Variants in SETBP1 observed in about 807,000 individuals in gnomAD.
SETBP1 encodes the protein SET binding protein 1.
SETBP1 carries 9 observed loss-of-function variants against 101.0 expected under a neutral mutation model. The observed-to-expected ratio is 0.09, with a 90% CI of 0.05 to 0.16. SETBP1 has a LOEUF of 0.16. Ranked by LOEUF, SETBP1 falls within the 10% of genes least tolerant of loss-of-function variation. The pLI is 1.00. For missense variants in SETBP1, 1,858 were observed against 2,033.8 expected (o/e 0.91, Z 1.66); for synonymous variants, 818 against 788.5 (o/e 1.04, Z -0.63).
chr18:45,026,841 C>A (rs996632397), intron 4 of SETBP1, among the ~76,000 whole-genome samples: 2 of 152,020 alleles, frequency 1.3e-5, no homozygotes, highest in African/African-American at 4.8e-5. Context: ...TGTGTATGTG[C>A]GTGTACAAAC....
At chr18:44,785,600 C>T (rs2071223923) in intron 2 of SETBP1, among the ~76,000 whole-genome samples, 1 of 152,168 alleles carries the variant, frequency 6.6e-6, no homozygotes, top group African/African-American at 2.4e-5. Context: ...ATTTTCCAGT[C>T]CCTAGACTTG....
chr18:44,766,810 A>G (rs1490942227), intron 2 of SETBP1, among the ~76,000 whole-genome samples: 2 of 152,230 alleles, frequency 1.3e-5, no homozygotes, highest in Non-Finnish European at 2.9e-5. Flanking sequence ...TGTCTCTGAA[A>G]AAAAAAGTGA....
At chr18:44,748,835 G>T (rs561806471) in intron 2 of SETBP1, among the ~76,000 whole-genome samples, 18 of 152,312 alleles carry the variant, frequency 1.2e-4, no homozygotes, top group African/African-American at 4.3e-4. Context: ...CATGCAACGA[G>T]ACATATTTGC....
At chr18:44,929,411 A>G (rs1263129196) in intron 3 of SETBP1, among the ~76,000 whole-genome samples, 2 of 152,212 alleles carry the variant, frequency 1.3e-5, no homozygotes, top group South Asian at 2.1e-4. Context: ...TTGTCTTGGC[A>G]ATGTGGGCTC....
chr18:44,688,468 G>A (rs1478545591), intron 1 of SETBP1, among the ~76,000 whole-genome samples: 1 of 151,792 alleles, frequency 6.6e-6, no homozygotes, highest in Non-Finnish European at 1.5e-5. Context: ...TGAGCAATGA[G>A]ACCTTTGATT....
rs368841846 is a variant in SETBP1 at position 44,762,561 on chromosome 18, A to G, written c.486+60729A>G. Among the ~76,000 whole-genome samples, 6 of 152,358 alleles carry G rather than the reference A, an allele frequency of 3.9e-5. No homozygotes were observed. In the South Asian group the frequency reaches 1.2e-3, roughly 32 times the overall value. On this transcript the variant is annotated intron_variant, in intron 2 of 5. Coordinates refer to ENST00000649279, the MANE Select transcript of SETBP1 (RefSeq NM_015559.3). ...CTATATAGTATTATCTCAATGGTTG[A>G]CAGGGTATATTGTGAAGCAGAAAGG...
chr18:45,031,106 G>T (rs1317609963), intron 4 of SETBP1, among the ~76,000 whole-genome samples: 1 of 151,826 alleles, frequency 6.6e-6, no homozygotes, highest in Non-Finnish European at 1.5e-5. Context: ...GTGATGTTAG[G>T]GTGTCAATTT....
At chr18:44,720,911 C>CG (rs2069575798) in intron 2 of SETBP1, among the ~76,000 whole-genome samples, 1 of 138,964 alleles carries the variant, frequency 7.2e-6, no homozygotes, top group African/African-American at 2.6e-5. Context: ...ACCCCCACCC[C>CG]CCACCCCAAC....
intron 1 of SETBP1, 132 bp downstream of exon 1, chr18:44,681,153 C>G (rs1352136663): frequency 6.6e-6 from 1 of 152,158 alleles, no homozygotes; most frequent in South Asian, 2.1e-4. Context: ...TAAAAGCAGA[C>G]GAATGCCTTT....
chr18:44,906,693 G>T (rs2070183088), intron 3 of SETBP1, among the ~76,000 whole-genome samples: 1 of 152,134 alleles, frequency 6.6e-6, no homozygotes, highest in African/African-American at 2.4e-5. Flanking sequence ...CAAGGGAGGA[G>T]AAATAAAGAA....
chr18:44,891,947 A>C (rs1409195695), intron 3 of SETBP1, among the ~76,000 whole-genome samples: 1 of 152,182 alleles, frequency 6.6e-6, no homozygotes, highest in African/African-American at 2.4e-5. Context: ...GCACATGATC[A>C]ACAGATATAT....
chr18:45,031,565 T>A (rs1012256253), intron 4 of SETBP1, among the ~76,000 whole-genome samples: 1 of 152,112 alleles, frequency 6.6e-6, no homozygotes, highest in African/African-American at 2.4e-5. Flanking sequence ...ATACACACTT[T>A]AATGGAAAAA....
At chr18:44,810,804 A>T (rs2071845247) in intron 2 of SETBP1, among the ~76,000 whole-genome samples, 1 of 152,210 alleles carries the variant, frequency 6.6e-6, no homozygotes, top group Non-Finnish European at 1.5e-5. Flanking sequence ...CAGAAATATT[A>T]AAAAAGAGAT....
chr18:44,914,208 G>C (rs1462084521), intron 3 of SETBP1, among the ~76,000 whole-genome samples: 1 of 152,184 alleles, frequency 6.6e-6, no homozygotes, highest in African/African-American at 2.4e-5. Flanking sequence ...GTAAACTGCA[G>C]TGTCGTGAGT....
chr18:45,025,504 AT>A lies in SETBP1; in HGVS notation c.4001-12971del, dbSNP rs370180014. 3.3e-3 allele frequency among the ~76,000 whole-genome samples: 502 copies of A among 150,274 alleles called. 3 individuals are homozygous for A. The highest frequency in any genetic ancestry group is 0.011 in the African/African-American group (441 of 41,034). On this transcript the variant is annotated intron_variant, in intron 4 of 5. Coordinates refer to ENST00000649279, the MANE Select transcript of SETBP1 (RefSeq NM_015559.3). Reference sequence around the variant, plus strand: ...CTAATGATGGGTCTGAGTTTCTCTGATTTTTTTTTTCACTTCTATTGCAAAG... The same window carrying A: ...CTAATGATGGGTCTGAGTTTCTCTGATTTTTTTTTCACTTCTATTGCAAAG...
At chr18:44,757,731 A>C (rs763011091) in intron 2 of SETBP1, among the ~76,000 whole-genome samples, 2 of 151,212 alleles carry the variant, frequency 1.3e-5, no homozygotes, top group Non-Finnish European at 3.0e-5. Context: ...GACTTGTCTC[A>C]ATTTCACACC....
intron 4 of SETBP1, among the ~76,000 whole-genome samples, chr18:45,012,802 C>G (rs1356997644): frequency 6.6e-6 from 1 of 151,990 alleles, no homozygotes; most frequent in Non-Finnish European, 1.5e-5. Context: ...TAAACAAGAG[C>G]TAAATAATAT....
chr18:44,786,894 G>A (rs373092225), intron 2 of SETBP1, among the ~76,000 whole-genome samples: 14 of 152,258 alleles, frequency 9.2e-5, no homozygotes, highest in African/African-American at 3.1e-4. Context: ...ATCAGCTGTC[G>A]TGCTGAGGTT....
intron 2 of SETBP1, among the ~76,000 whole-genome samples, chr18:44,856,690 G>A (rs746284460): frequency 6.6e-6 from 1 of 152,180 alleles, no homozygotes; most frequent in Non-Finnish European, 1.5e-5. Flanking sequence ...CAAAACTCTT[G>A]TAAATTTTAT....
Sources: gnomAD v4.1 joint callset for allele counts (sites outside exome capture counted in the v4.1 genomes callset) on GRCh38, gnomAD v4.1.1 for gene constraint, MANE v1.5 for transcripts, NCBI Gene and HGNC (gene_info 2026-07-23, HGNC 2026-07-21) for gene names.